SAMSN1: variants seen among roughly 807,000 people sequenced by gnomAD.
SAMSN1 encodes SAM domain-containing protein SAMSN-1.
A neutral mutation model predicts 42.0 loss-of-function variants in SAMSN1; 31 were observed. That is an observed-to-expected ratio of 0.74 (90% confidence interval 0.55 to 1.00). SAMSN1 has a LOEUF of 1.00. Among genes scored for constraint, SAMSN1 ranks in the 50% least tolerant of loss-of-function variants. SAMSN1 has a pLI of 0.00. For synonymous variants in SAMSN1, 178 were observed against 151.9 expected (o/e 1.17, Z -1.26); for missense variants, 464 against 439.4 (o/e 1.06, Z -0.50).
chr21:14,654,116 TA>T (rs1295558286), intron 1 of SAMSN1, among the ~76,000 whole-genome samples: 2 of 152,012 alleles, frequency 1.3e-5, no homozygotes, highest in African/African-American at 4.8e-5. Context: ...TTGACTTTTT[TA>T]AAAAGATATA....
chr21:14,551,328 G>C (rs1044004807), intron 2 of SAMSN1, among the ~76,000 whole-genome samples: 1 of 152,040 alleles, frequency 6.6e-6, no homozygotes, highest in Non-Finnish European at 1.5e-5. Context: ...TAAGATGAAT[G>C]GTGAACCTAA....
At chr21:14,498,649 T>A in intron 6 of SAMSN1, 57 bp from the exon 7 acceptor site, 1 of 1,385,162 alleles carries the variant, frequency 7.2e-7, no homozygotes, top group African/African-American at 1.5e-5. Context: ...TATTTTTAGT[T>A]CTCTTTAGAT....
At chr21:14,532,821 G>A (rs923082597) in intron 1 of SAMSN1, among the ~76,000 whole-genome samples, 3 of 152,036 alleles carry the variant, frequency 2.0e-5, no homozygotes, top group Admixed American at 1.3e-4. Flanking sequence ...AAAGATGATT[G>A]CTATGTAATA....
chr21:14,577,543 A>G (rs1054008433), intron 2 of SAMSN1, among the ~76,000 whole-genome samples: 2 of 151,898 alleles, frequency 1.3e-5, no homozygotes, highest in Non-Finnish European at 2.9e-5. Context: ...ACAGCCCACA[A>G]ACTCTATCCT....
chr21:14,635,943 A>G (rs1049921986), intron 2 of SAMSN1, among the ~76,000 whole-genome samples: 3 of 151,928 alleles, frequency 2.0e-5, no homozygotes, highest in African/African-American at 7.3e-5. Flanking sequence ...TATTTCTCCT[A>G]ATGCTATCCC....
intron 7 of SAMSN1, among the ~76,000 whole-genome samples, chr21:14,493,684 A>G (rs1986792545): frequency 6.6e-6 from 1 of 152,122 alleles, no homozygotes; most frequent in African/African-American, 2.4e-5. Flanking sequence ...AAATTCAGAT[A>G]ATAAATAGAA....
upstream of SAMSN1, among the ~76,000 whole-genome samples, chr21:14,550,997 C>T (rs1328716104): frequency 6.6e-6 from 1 of 152,004 alleles, no homozygotes; most frequent in Non-Finnish European, 1.5e-5. Context: ...CTATAGGAGA[C>T]AAAGGCAGCA....
chr21:14,612,010 G>A (rs921706570), intron 4 of SAMSN1, among the ~76,000 whole-genome samples: 2 of 152,096 alleles, frequency 1.3e-5, no homozygotes, highest in East Asian at 1.9e-4. Context: ...CGAGGCAGGC[G>A]GATCACGAGG....
chr21:14,587,410 C>T (rs1981950012), upstream of SAMSN1, among the ~76,000 whole-genome samples: 1 of 152,160 alleles, frequency 6.6e-6, no homozygotes, highest in East Asian at 1.9e-4. Context: ...CAGTGACCTT[C>T]TGGAAACACT....
chr21:14,656,326 G>T (rs1442388606), intron 1 of SAMSN1, among the ~76,000 whole-genome samples: 1 of 151,714 alleles, frequency 6.6e-6, no homozygotes, highest in East Asian at 1.9e-4. Context: ...ATTTTAATAA[G>T]TGCTTAAAAG....
chr21:14,538,367 G>T (rs1979772604), intron 1 of SAMSN1, among the ~76,000 whole-genome samples: 1 of 152,174 alleles, frequency 6.6e-6, no homozygotes, highest in Non-Finnish European at 1.5e-5. Flanking sequence ...GAAAAACTGT[G>T]CCATAAATCC....
intron 3 of SAMSN1, 60 bp downstream of exon 3, chr21:14,516,832 G>A (rs1987939705): frequency 1.4e-6 from 2 of 1,399,146 alleles, no homozygotes; most frequent in Non-Finnish European, 2.0e-6. Flanking sequence ...CTATAGTCTA[G>A]CTGAATAGTT....
intron 7 of SAMSN1, among the ~76,000 whole-genome samples, chr21:14,489,185 C>T (rs1986568671): frequency 6.6e-6 from 1 of 152,200 alleles, no homozygotes. Flanking sequence ...AAACCATAAC[C>T]TTCATCAGTT....
chr21:14,595,931 A>G (rs1982247659), intron 6 of SAMSN1, among the ~76,000 whole-genome samples: 1 of 152,178 alleles, frequency 6.6e-6, no homozygotes, highest in African/African-American at 2.4e-5. Context: ...CCTTTTTAAA[A>G]ATGCATGAGA....
At chr21:14,628,852 T>C (rs1204960451) in intron 2 of SAMSN1, among the ~76,000 whole-genome samples, 2 of 152,224 alleles carry the variant, frequency 1.3e-5, no homozygotes, top group Admixed American at 6.5e-5. Context: ...AAATGCTTTT[T>C]GTGTAGTAAT....
At chr21:14,534,628 G>A (rs751345293) in intron 1 of SAMSN1, among the ~76,000 whole-genome samples, 4 of 151,616 alleles carry the variant, frequency 2.6e-5, no homozygotes, top group Non-Finnish European at 5.9e-5. Context: ...CCATTCTCCT[G>A]CCTCAGCCTC....
At chr21:14,582,492 A>G in intron 1 of SAMSN1, 1 of 991,670 alleles carries the variant, frequency 1.0e-6, no homozygotes, top group South Asian at 1.5e-5. Context: ...TCATCTTCTG[A>G]ATGACAAAGA....
intron 1 of SAMSN1, among the ~76,000 whole-genome samples, chr21:14,537,812 G>A (rs1261712316): frequency 6.6e-6 from 1 of 152,164 alleles, no homozygotes; most frequent in Non-Finnish European, 1.5e-5. Context: ...GAACTGCTGA[G>A]TATCTTGTTA....
chr21:14,546,864 C>T (rs1268794307), upstream of SAMSN1, among the ~76,000 whole-genome samples: 1 of 151,978 alleles, frequency 6.6e-6, no homozygotes, highest in Non-Finnish European at 1.5e-5. Flanking sequence ...TGTGTGCCAC[C>T]ATGCCTGGCT....
Sources: gnomAD v4.1 joint callset for allele counts (sites outside exome capture counted in the v4.1 genomes callset) on GRCh38, gnomAD v4.1.1 for gene constraint, MANE v1.5 for transcripts, NCBI Gene and HGNC (gene_info 2026-07-23, HGNC 2026-07-21) for gene names.